The following ABCC4 variants were observed in gnomAD, a reference collection of about 807,000 sequenced individuals.
ABCC4 encodes ATP binding cassette subfamily C member 4 (PEL blood group), also known as ATP-binding cassette sub-family C member 4.
ABCC4 carries 102 observed loss-of-function variants against 168.5 expected under a neutral mutation model. That is an observed-to-expected ratio of 0.61 (90% CI 0.52 to 0.71). The LOEUF (loss-of-function observed/expected upper bound fraction) is 0.71. ABCC4 is among the 30% of genes least tolerant of loss of function. The pLI is 0.00. For synonymous variants in ABCC4, 617 were observed against 590.7 expected (o/e 1.04, Z -0.65); for missense variants, 1,402 against 1,605.8 (o/e 0.87, Z 2.17).
chr13:95,207,717 A>G, intron 7 of ABCC4, 83 bp downstream of exon 7: 1 of 1,443,796 alleles, frequency 6.9e-7, no homozygotes, highest in Non-Finnish European at 9.5e-7. Context: ...TAATGTGAAA[A>G]CATAGTAAAA....
In ABCC4 at chr13:95,075,371, G is replaced by A. The variant is rs2033861992; in HGVS notation, c.2806+61C>T. The A allele has an allele frequency of 9.3e-6, 15 of 1,608,262 alleles. No individual in the cohort carries two copies. In the South Asian group the frequency reaches 1.3e-4, roughly 14 times the overall value. On this transcript the variant is annotated intron_variant, in intron 22 of 30. Coordinates refer to ENST00000645237, the MANE Select transcript of ABCC4 (RefSeq NM_005845.5). ...GCCAACAAGCTCATCTGACCAGGGA[G>A]GTTAAGCCAGAAAAAGCAGCAGATC...
intron 29 of ABCC4, among the ~76,000 whole-genome samples, chr13:95,039,649 T>G (rs1294334644): frequency 6.6e-6 from 1 of 152,206 alleles, no homozygotes; most frequent in Non-Finnish European, 1.5e-5. Context: ...AATGCATTAG[T>G]CAGTTACTCA....
At chr13:95,102,704 C>G (rs2034855351) in intron 20 of ABCC4, among the ~76,000 whole-genome samples, 1 of 151,346 alleles carries the variant, frequency 6.6e-6, no homozygotes, top group South Asian at 2.1e-4. Flanking sequence ...ACTGCAACCA[C>G]TGTCTCCTGG....
At chr13:95,199,744 G>A (rs189693506) in intron 8 of ABCC4, among the ~76,000 whole-genome samples, 12 of 152,098 alleles carry the variant, frequency 7.9e-5, no homozygotes, top group Admixed American at 4.6e-4. Flanking sequence ...TCTACTCTGG[G>A]CCCCCAATGC....
chr13:95,151,895 C>T (rs1594189721), intron 19 of ABCC4, among the ~76,000 whole-genome samples: 1 of 152,174 alleles, frequency 6.6e-6, no homozygotes, highest in East Asian at 1.9e-4. Context: ...CTCAACACCT[C>T]AACTCCCTGT....
chr13:95,175,908 G>C (rs1035430758), intron 13 of ABCC4, among the ~76,000 whole-genome samples: 1 of 152,144 alleles, frequency 6.6e-6, no homozygotes, highest in African/African-American at 2.4e-5. Context: ...AGGACTTCCA[G>C]AGCTTTCTCT....
chr13:95,021,519 T>C lies in ABCC4; in HGVS notation c.*56A>G, dbSNP rs1283321944. 13 of 1,281,532 alleles carry C rather than the reference T, an allele frequency of 1.0e-5. No individual in the cohort carries two copies. Among genetic ancestry groups the C allele is most frequent in the Non-Finnish European group, 1.2e-5 (11 of 883,640 alleles). The allele number at this position is 1,281,532 out of a possible 1,614,324, so 79.4% of individuals were successfully genotyped here. The stretch of plus-strand genomic sequence containing the variant: ...AAAAAAAAGTACAATGTGGTTTACA[T>C]AGTCCAAAAACTAGTGGAAAATGCC... On this transcript the variant is annotated 3_prime_UTR_variant, in exon 31 of 31. Coordinates refer to ENST00000645237, the MANE Select transcript of ABCC4 (RefSeq NM_005845.5).
chr13:95,021,895 G>C (rs1443085835), intron 30 of ABCC4, among the ~76,000 whole-genome samples: 1 of 152,132 alleles, frequency 6.6e-6, no homozygotes, highest in South Asian at 2.1e-4. Context: ...ACAACCTGTA[G>C]ATCCATTTTA....
chr13:95,237,362 C>T (rs1011002281), intron 3 of ABCC4, among the ~76,000 whole-genome samples: 12 of 152,184 alleles, frequency 7.9e-5, no homozygotes, highest in Non-Finnish European at 1.0e-4. Flanking sequence ...AAAATTACAA[C>T]TAACCAAATT....
chr13:95,026,253 A>T (rs1047230881), intron 30 of ABCC4, among the ~76,000 whole-genome samples: 1 of 152,136 alleles, frequency 6.6e-6, no homozygotes, highest in Admixed American at 6.6e-5. Context: ...AAGGGAAAAT[A>T]AAAAATAAAA....
At chr13:95,298,252 G>A (rs903875051) in intron 1 of ABCC4, among the ~76,000 whole-genome samples, 1 of 152,144 alleles carries the variant, frequency 6.6e-6, no homozygotes. Context: ...TTGCACCACT[G>A]CACTCCAGCC....
chr13:95,254,207 T>C (rs1271705454), intron 1 of ABCC4, among the ~76,000 whole-genome samples: 1 of 151,408 alleles, frequency 6.6e-6, no homozygotes, highest in East Asian at 1.9e-4. Flanking sequence ...CTAAAGGGGG[T>C]TTTATAAACA....
At chr13:95,085,038 AC>A (rs1288443989) in intron 20 of ABCC4, among the ~76,000 whole-genome samples, 3 of 152,236 alleles carry the variant, frequency 2.0e-5, no homozygotes, top group Non-Finnish European at 2.9e-5. Context: ...GAAGGATAGA[AC>A]AGTGGGGGAC....
intron 20 of ABCC4, among the ~76,000 whole-genome samples, chr13:95,115,164 G>A (rs1005194271): frequency 3.3e-5 from 5 of 151,616 alleles, no homozygotes; most frequent in African/African-American, 1.2e-4. Flanking sequence ...AACCACATGA[G>A]CAACAGTACT....
At chr13:95,245,539 G>T (rs1402751170) in intron 3 of ABCC4, among the ~76,000 whole-genome samples, 1 of 152,192 alleles carries the variant, frequency 6.6e-6, no homozygotes, top group Non-Finnish European at 1.5e-5. Context: ...TTGAAGAGGG[G>T]CTGGGAGAAC....
chr13:95,183,885 G>A (rs1171809785), intron 11 of ABCC4, among the ~76,000 whole-genome samples: 1 of 151,882 alleles, frequency 6.6e-6, no homozygotes, highest in Non-Finnish European at 1.5e-5. Flanking sequence ...TTAGACTCCA[G>A]CCTGGGTGAC....
Position 95,246,985 on chromosome 13 carries a change from G to A in ABCC4, c.296C>T (p.Thr99Met), listed in dbSNP as rs149058757. ...WKSYLVLGIF[T>M]LIEESAKVIQ... ...TGTAAAAGCTTTTACCTCAATTAACGTAAAAATTCCCAAAACTAAATAAGA... is the reference window on the plus strand; with the variant it reads ...TGTAAAAGCTTTTACCTCAATTAACATAAAAATTCCCAAAACTAAATAAGA... Residue 99 changes from threonine to methionine, a missense_variant, in exon 3 of 31, where the codon ACG (threonine) becomes ATG (methionine). Around this residue, in one of 3 missense-constraint regions of ABCC4, gnomAD observed 317 missense variants for 345.5 expected, o/e 0.92. Coordinates refer to ENST00000645237, the MANE Select transcript of ABCC4 (RefSeq NM_005845.5). The A allele has an allele frequency of 4.7e-5, 75 of 1,611,718 alleles. No homozygotes were observed. Among genetic ancestry groups the A allele is most frequent in the Non-Finnish European group, 6.1e-5 (72 of 1,178,914 alleles).
At position 95,075,509 on chromosome 13, in the gene ABCC4, C is replaced by A. The variant is rs761323924; in HGVS notation, c.2729G>T (p.Gly910Val). ...TTTGTATGCCCGGATGGTCCAGAGC[C>A]CCTGGAGAGAAGATGATAAGTGGGA... ...VFSHLSSSLQ[G>V]LWTIRAYKAE... Residue 910 changes from glycine to valine, a missense_variant, in exon 22 of 31, where the codon GGG (glycine) becomes GTG (valine). By Grantham distance (109) the Gly-to-Val change is moderately radical. This residue lies in a region of ABCC4 where 1,007 missense variants were observed against 1,127.3 expected (regional missense o/e 0.89). Transcript: ENST00000645237. The A allele has an allele frequency of 1.2e-6, 2 of 1,614,014 alleles. No individual in the cohort carries two copies. The highest frequency in any genetic ancestry group is 2.2e-5 in the South Asian group (2 of 91,066).
chr13:95,277,220 T>C (rs942137180), intron 1 of ABCC4, among the ~76,000 whole-genome samples: 3 of 151,858 alleles, frequency 2.0e-5, no homozygotes, highest in Admixed American at 6.6e-5. Flanking sequence ...AGAGTTCACA[T>C]TGGGGAAGGG....
Sources: allele counts gnomAD v4.1 joint callset (sites outside exome capture counted in the v4.1 genomes callset), GRCh38; gene constraint gnomAD v4.1.1; regional missense constraint gnomAD v4.1.1; transcripts MANE v1.5; gene names NCBI Gene and HGNC (gene_info 2026-07-23, HGNC 2026-07-21).